The following IGF2BP3 variants were observed in gnomAD, a reference collection of about 807,000 sequenced individuals.
IGF2BP3 encodes insulin-like growth factor 2 mRNA-binding protein 3.
IGF2BP3 carries 9 observed loss-of-function variants against 73.8 expected under a neutral mutation model. The observed-to-expected ratio is 0.12, with a 90% CI of 0.07 to 0.21. The LOEUF is 0.21. Ranked by LOEUF, IGF2BP3 falls within the 10% of genes least tolerant of loss-of-function variation. The pLI, the probability that IGF2BP3 is intolerant of heterozygous loss-of-function variation, is 1.00. For synonymous variants in IGF2BP3, 258 were observed against 256.7 expected (o/e 1.01, Z -0.05); for missense variants, 542 against 714.0 (o/e 0.76, Z 2.75).
rs376178104 is a variant in IGF2BP3 at position 23,316,798 on chromosome 7, T to TAC, written c.1395+839_1395+840dup. On this transcript the variant is annotated intron_variant, in intron 12 of 14. Coordinates refer to ENST00000258729, the MANE Select transcript of IGF2BP3 (RefSeq NM_006547.3). Reference sequence around the variant, plus strand: ...ATACTAAATTTTGTGGGAGAAATCATACACTAAAAGGAATATATTTATGAA... The same window carrying TAC: ...ATACTAAATTTTGTGGGAGAAATCATACACACTAAAAGGAATATATTTATGAA... 5.7e-3 allele frequency among the ~76,000 whole-genome samples: 872 copies of TAC among 151,888 alleles called. 6 individuals carry two copies. The highest frequency in any genetic ancestry group is 9.9e-3 in the Non-Finnish European group (673 of 67,916).
intron 3 of IGF2BP3, among the ~76,000 whole-genome samples, chr7:23,404,363 A>G (rs1457384991): frequency 6.6e-6 from 1 of 152,234 alleles, no homozygotes; most frequent in Non-Finnish European, 1.5e-5. Context: ...ACCATTAGCC[A>G]GAGTAAGCTA....
At chr7:23,379,936 C>T (rs574056048) in intron 3 of IGF2BP3, among the ~76,000 whole-genome samples, 16 of 152,272 alleles carry the variant, frequency 1.1e-4, no homozygotes, top group African/African-American at 3.9e-4. Flanking sequence ...TACACAGGTG[C>T]ACTTGAGAGG....
At chr7:23,312,620 G>T in intron 14 of IGF2BP3, 115 bp downstream of exon 14, 1 of 907,064 alleles carries the variant, frequency 1.1e-6, no homozygotes, top group South Asian at 1.4e-5. Flanking sequence ...CTAAAAGGGA[G>T]ATGAAAAGTC....
chr7:23,348,442 C>A (rs1784883704), intron 6 of IGF2BP3, among the ~76,000 whole-genome samples: 1 of 152,196 alleles, frequency 6.6e-6, no homozygotes, highest in Admixed American at 6.5e-5. Context: ...ACAAGGCACA[C>A]TCAACACTTT....
At chr7:23,445,558 G>A (rs956087788) in intron 2 of IGF2BP3, among the ~76,000 whole-genome samples, 1 of 152,118 alleles carries the variant, frequency 6.6e-6, no homozygotes, top group Non-Finnish European at 1.5e-5. Context: ...TTTGTACACA[G>A]AAAATAGCTT....
chr7:23,338,358 T>C (rs963186156), intron 10 of IGF2BP3, among the ~76,000 whole-genome samples: 2 of 152,186 alleles, frequency 1.3e-5, no homozygotes, highest in South Asian at 4.1e-4. Flanking sequence ...ACATTCTTTG[T>C]AGAACAGAAG....
At chr7:23,458,534 T>A (rs924524502) in intron 2 of IGF2BP3, among the ~76,000 whole-genome samples, 1 of 151,986 alleles carries the variant, frequency 6.6e-6, no homozygotes, top group African/African-American at 2.4e-5. Context: ...TAAGAACATA[T>A]CCCCAGGAAC....
intron 2 of IGF2BP3, among the ~76,000 whole-genome samples, chr7:23,456,784 T>A (rs1788330102): frequency 6.6e-6 from 1 of 152,244 alleles, no homozygotes; most frequent in South Asian, 2.1e-4. Flanking sequence ...GCGCAGTGGC[T>A]CACGCCCGTA....
At chr7:23,367,554 T>C (rs776526908) in intron 3 of IGF2BP3, among the ~76,000 whole-genome samples, 22 of 151,914 alleles carry the variant, frequency 1.4e-4, no homozygotes, top group Non-Finnish European at 2.4e-4. Flanking sequence ...GAAACATTTC[T>C]CTATGCTTAG....
rs200021462 is a variant in IGF2BP3, at chr7:23,323,661, T to C, written c.1204-4407A>G. ...CACACCTATTCCAAAACTGACCACA[T>C]ACTTGGAAGTAAAGCTCTCCTCAGC... is the stretch of plus-strand genomic sequence containing the variant. On this transcript the variant is annotated intron_variant, in intron 10 of 14. Transcript: ENST00000258729. 1.2e-4 allele frequency among the ~76,000 whole-genome samples: 19 copies of C among 152,156 alleles called. No individual in the cohort carries two copies. In the East Asian group the frequency reaches 3.5e-3, roughly 28 times the overall value.
chr7:23,437,970 T>A (rs1002835416), intron 2 of IGF2BP3, among the ~76,000 whole-genome samples: 5 of 152,246 alleles, frequency 3.3e-5, no homozygotes, highest in African/African-American at 9.6e-5. Context: ...CCAATGTCCA[T>A]GCTACGTCTA....
intron 10 of IGF2BP3, among the ~76,000 whole-genome samples, chr7:23,335,073 T>TAA (rs5882898): frequency 7.2e-4 from 50 of 69,172 alleles, no homozygotes; most frequent in Admixed American, 1.2e-3. Flanking sequence ...TCTTTAACAT[T>TAA]AAAAAAAAAA....
intron 3 of IGF2BP3, among the ~76,000 whole-genome samples, chr7:23,391,937 T>G (rs1786290040): frequency 1.3e-5 from 2 of 152,180 alleles, no homozygotes; most frequent in South Asian, 4.1e-4. Context: ...AAACAATAAG[T>G]AAATTGCTAA....
At chr7:23,342,322 C>T (rs1360584913) in intron 9 of IGF2BP3, 133 bp from the exon 10 acceptor site, 2 of 951,882 alleles carry the variant, frequency 2.1e-6, no homozygotes, top group Admixed American at 2.1e-5. Flanking sequence ...GCAGATGTTC[C>T]ATGGGACTCT....
chr7:23,431,861 A>G (rs1787689408), intron 2 of IGF2BP3, among the ~76,000 whole-genome samples: 1 of 151,850 alleles, frequency 6.6e-6, no homozygotes, highest in South Asian at 2.1e-4. Flanking sequence ...TCTCTTATGG[A>G]TTGGTGGCCA....
At chr7:23,417,367 T>C (rs1424733908) in intron 3 of IGF2BP3, among the ~76,000 whole-genome samples, 2 of 152,028 alleles carry the variant, frequency 1.3e-5, no homozygotes, top group Non-Finnish European at 2.9e-5. Context: ...ATCCACTAAC[T>C]TGACACTACC....
intron 2 of IGF2BP3, among the ~76,000 whole-genome samples, chr7:23,435,617 G>T (rs1319268781): frequency 6.6e-6 from 1 of 151,686 alleles, no homozygotes; most frequent in African/African-American, 2.4e-5. Context: ...CACCACGCCC[G>T]GCTAATTTTT....
chr7:23,364,561 A>G (rs1785319846), intron 3 of IGF2BP3, among the ~76,000 whole-genome samples: 1 of 149,812 alleles, frequency 6.7e-6, no homozygotes, highest in African/African-American at 2.5e-5. Flanking sequence ...AAAAAAAAAA[A>G]AAAAAAAAAA....
chr7:23,414,833 A>T, intron 3 of IGF2BP3: 1 of 167,828 alleles, frequency 6.0e-6, no homozygotes, highest in Non-Finnish European at 1.3e-5. Context: ...GGTCCCGTCC[A>T]TCAGTCGACA....
Sources: gnomAD v4.1 joint callset for allele counts (sites outside exome capture counted in the v4.1 genomes callset) on GRCh38, gnomAD v4.1.1 for gene constraint, MANE v1.5 for transcripts, NCBI Gene and HGNC (gene_info 2026-07-23, HGNC 2026-07-21) for gene names.